LYPLAL1: variants seen among roughly 807,000 people sequenced by gnomAD.
The protein encoded by LYPLAL1 is lysophospholipase like 1.
LYPLAL1 carries 23 observed loss-of-function variants against 19.7 expected under a neutral mutation model. That is an observed-to-expected ratio of 1.17 (90% CI 0.84 to 1.65). The LOEUF is 1.65. Among genes scored for constraint, LYPLAL1 ranks in the 40% most tolerant of loss-of-function variants. LYPLAL1 has a pLI of 0.00. For synonymous variants in LYPLAL1, 119 were observed against 96.3 expected, an observed-to-expected ratio of 1.24 and a Z score of -1.38; for missense variants, 355 against 279.4, an observed-to-expected ratio of 1.27 and a Z score of -1.93.
chr1:219,413,989 A>G, the LYPLAL1 span, among the ~76,000 whole-genome samples: 5 of 152,232 alleles, frequency 3.3e-5, no homozygotes, highest in African/African-American at 1.2e-4. Flanking sequence ...AAAACCATAT[A>G]TACAATTTTC....
At chr1:219,380,953 C>G in the LYPLAL1 span, among the ~76,000 whole-genome samples, 5 of 152,126 alleles carry the variant, frequency 3.3e-5, no homozygotes, top group African/African-American at 9.7e-5. Context: ...CCAACCCTTG[C>G]TCTGTATGAC....
chr1:219,306,544 T>C, the LYPLAL1 span, among the ~76,000 whole-genome samples: 1 of 152,130 alleles, frequency 6.6e-6, no homozygotes, highest in Admixed American at 6.6e-5. Flanking sequence ...ATAAGTTTTT[T>C]ATATTTTTTT....
chr1:219,423,155 C>T, the LYPLAL1 span, among the ~76,000 whole-genome samples: 1 of 152,178 alleles, frequency 6.6e-6, no homozygotes, highest in Non-Finnish European at 1.5e-5. Flanking sequence ...CACCTTACTT[C>T]TAGCAGCCAC....
intron 2 of LYPLAL1, among the ~76,000 whole-genome samples, chr1:219,185,704 C>A (rs1338941428): frequency 6.6e-6 from 1 of 151,962 alleles, no homozygotes; most frequent in East Asian, 1.9e-4. Context: ...GAACTGGAAT[C>A]ATCTGAAGGC....
chr1:219,228,993 T>A, the LYPLAL1 span, among the ~76,000 whole-genome samples: 1 of 152,028 alleles, frequency 6.6e-6, no homozygotes, highest in Non-Finnish European at 1.5e-5. Flanking sequence ...GCAATTTATA[T>A]GTATTGTAAC....
chr1:219,186,871 G>A (rs1656763977), intron 2 of LYPLAL1, among the ~76,000 whole-genome samples: 2 of 151,612 alleles, frequency 1.3e-5, no homozygotes, highest in South Asian at 4.1e-4. Flanking sequence ...CAATTAATAT[G>A]CTTGAATTTA....
At chr1:219,377,287 A>G in the LYPLAL1 span, among the ~76,000 whole-genome samples, 24,142 of 152,168 alleles carry the variant, frequency 0.16, 2,096 homozygotes, top group Non-Finnish European at 0.2. Flanking sequence ...AGAGTACTCA[A>G]ATTCTTGAAG....
At chr1:219,199,338 A>T (rs1285831922) in intron 3 of LYPLAL1, among the ~76,000 whole-genome samples, 1 of 152,214 alleles carries the variant, frequency 6.6e-6, no homozygotes, top group African/African-American at 2.4e-5. Context: ...TTTTAATATT[A>T]TTTAAGTGTA....
the LYPLAL1 span, among the ~76,000 whole-genome samples, chr1:219,396,751 C>T: frequency 6.6e-6 from 1 of 152,056 alleles, no homozygotes; most frequent in Non-Finnish European, 1.5e-5. Context: ...TTTAGGAATC[C>T]TAGTGATTTT....
chr1:219,265,115 G>T, the LYPLAL1 span, among the ~76,000 whole-genome samples: 1 of 152,066 alleles, frequency 6.6e-6, no homozygotes, highest in African/African-American at 2.4e-5. Context: ...GGCAATAAAT[G>T]GGCTAAAGAA....
chr1:219,220,431 GAAGGA>G, the LYPLAL1 span, among the ~76,000 whole-genome samples: 692 of 152,210 alleles, frequency 4.5e-3, 5 homozygotes, highest in South Asian at 0.023. Flanking sequence ...TTAGGGAAAA[GAAGGA>G]CTTTTCCCTA....
chr1:219,280,467 T>G, the LYPLAL1 span, among the ~76,000 whole-genome samples: 10 of 152,152 alleles, frequency 6.6e-5, no homozygotes, highest in Admixed American at 2.0e-4. Flanking sequence ...TTTTACCTAT[T>G]TTTTGAGATA....
chr1:219,404,375 T>G, the LYPLAL1 span, among the ~76,000 whole-genome samples: 1 of 152,220 alleles, frequency 6.6e-6, no homozygotes, highest in Non-Finnish European at 1.5e-5. Flanking sequence ...GGGTTGCTAA[T>G]AATCTAGTCC....
the LYPLAL1 span, among the ~76,000 whole-genome samples, chr1:219,380,561 C>T: frequency 6.6e-6 from 1 of 152,212 alleles, no homozygotes; most frequent in Non-Finnish European, 1.5e-5. Context: ...GCCCTTGTGG[C>T]AGGTTTTCTT....
chr1:219,225,991 C>G, the LYPLAL1 span, among the ~76,000 whole-genome samples: 1 of 152,188 alleles, frequency 6.6e-6, no homozygotes, highest in Non-Finnish European at 1.5e-5. Flanking sequence ...AATTGACAAA[C>G]TAAACGTTTT....
the LYPLAL1 span, among the ~76,000 whole-genome samples, chr1:219,240,713 T>C: frequency 5.3e-5 from 8 of 152,182 alleles, no homozygotes; most frequent in African/African-American, 1.9e-4. Flanking sequence ...GTTCAAGTAA[T>C]ATTTATTATG....
chr1:219,404,953 C>G, the LYPLAL1 span, among the ~76,000 whole-genome samples: 2 of 152,118 alleles, frequency 1.3e-5, no homozygotes, highest in Non-Finnish European at 2.9e-5. Context: ...AAGCAACTCC[C>G]CATCCATTGG....
the LYPLAL1 span, among the ~76,000 whole-genome samples, chr1:219,292,787 T>C: frequency 6.6e-6 from 1 of 152,104 alleles, no homozygotes; most frequent in Non-Finnish European, 1.5e-5. Flanking sequence ...AAATATGTGT[T>C]TTATGGTGTG....
chr1:219,281,406 A>T, the LYPLAL1 span, among the ~76,000 whole-genome samples: 1 of 152,242 alleles, frequency 6.6e-6, no homozygotes, highest in African/African-American at 2.4e-5. Flanking sequence ...AAAATAGGTA[A>T]AAATCTAAAT....
Sources: allele counts gnomAD v4.1 joint callset (sites outside exome capture counted in the v4.1 genomes callset), GRCh38; gene constraint gnomAD v4.1.1; transcripts MANE v1.5; gene names NCBI Gene and HGNC (gene_info 2026-07-23, HGNC 2026-07-21).